Variants in RARB observed in about 807,000 individuals in gnomAD.
RARB encodes retinoic acid receptor beta, also known as HBV-activated protein.
Under a neutral mutation model 51.9 loss-of-function variants are expected in RARB, and 17 were observed. That is an observed-to-expected ratio of 0.33 (90% CI 0.22 to 0.49). The LOEUF is 0.49. Ranked by LOEUF, RARB falls within the 20% of genes least tolerant of loss-of-function variation. The probability of loss-of-function intolerance (pLI) is 0.99; values close to 1 mark genes in which losing one functional copy is unlikely to be tolerated. For synonymous variants in RARB, 215 were observed against 195.4 expected, an observed-to-expected ratio of 1.10 and a Z score of -0.84; for missense variants, 369 against 550.8, an observed-to-expected ratio of 0.67 and a Z score of 3.30.
chr3:25,501,479 A>G (rs1174805864), intron 3 of RARB, among the ~76,000 whole-genome samples, 156 bp downstream of exon 3: 1 of 152,116 alleles, frequency 6.6e-6, no homozygotes, highest in Non-Finnish European at 1.5e-5. Context: ...TGATATGGAG[A>G]TTTTGAGATG....
At chr3:25,108,258 A>G (rs1020581046) in intron 3 of RARB, among the ~76,000 whole-genome samples, 1 of 152,154 alleles carries the variant, frequency 6.6e-6, no homozygotes, top group East Asian at 1.9e-4. Flanking sequence ...AAACCATGGG[A>G]AAAAAATCAT....
chr3:25,477,464 C>T (rs1696009123), intron 2 of RARB, among the ~76,000 whole-genome samples: 1 of 152,190 alleles, frequency 6.6e-6, no homozygotes, highest in African/African-American at 2.4e-5. Context: ...TTTTGGGTTT[C>T]AAATATTGGT....
At chr3:24,916,194 A>G (rs1259566188) in intron 2 of RARB, among the ~76,000 whole-genome samples, 1 of 152,218 alleles carries the variant, frequency 6.6e-6, no homozygotes. Context: ...AGTGAAAGCT[A>G]GAGCCCTCTT....
At chr3:25,012,110 A>G (rs1697411851) in intron 2 of RARB, among the ~76,000 whole-genome samples, 1 of 152,208 alleles carries the variant, frequency 6.6e-6, no homozygotes, top group Admixed American at 6.6e-5. Context: ...TTCATTTCAG[A>G]CATGGACAGA....
intron 3 of RARB, among the ~76,000 whole-genome samples, chr3:25,562,987 T>G (rs1410186375): frequency 1.3e-5 from 2 of 152,246 alleles, no homozygotes; most frequent in African/African-American, 4.8e-5. Context: ...TTTCTATAAC[T>G]TCTTTGAATA....
At chr3:25,411,811 G>T (rs983969219) in intron 5 of RARB, among the ~76,000 whole-genome samples, 1 of 152,158 alleles carries the variant, frequency 6.6e-6, no homozygotes, top group Non-Finnish European at 1.5e-5. Context: ...CGTCCAGAGA[G>T]AAAGTCCCAG....
At chr3:25,584,587 G>T (rs74430702) in intron 5 of RARB, among the ~76,000 whole-genome samples, 82 of 152,282 alleles carry the variant, frequency 5.4e-4, no homozygotes, top group African/African-American at 1.9e-3. Context: ...AGGAAGCCCC[G>T]GCAGGTTGGA....
At chr3:25,073,676 G>C (rs539292814) in intron 3 of RARB, among the ~76,000 whole-genome samples, 70 of 152,264 alleles carry the variant, frequency 4.6e-4, no homozygotes, top group Middle Eastern at 3.4e-3. Context: ...AGTAAATAAT[G>C]TGCGTGTAAT....
intron 5 of RARB, among the ~76,000 whole-genome samples, chr3:25,366,826 T>C (rs1706134857): frequency 6.6e-6 from 1 of 152,206 alleles, no homozygotes; most frequent in African/African-American, 2.4e-5. Flanking sequence ...TCCTTGCATT[T>C]GGAATTGTTC....
intron 4 of RARB, among the ~76,000 whole-genome samples, chr3:25,163,902 G>A (rs759849716): frequency 2.0e-5 from 3 of 152,156 alleles, no homozygotes; most frequent in Non-Finnish European, 4.4e-5. Flanking sequence ...CCTGAGTATG[G>A]TAACTTTCCT....
At chr3:24,847,505 C>T (rs1396409504) in intron 1 of RARB, among the ~76,000 whole-genome samples, 2 of 152,200 alleles carry the variant, frequency 1.3e-5, no homozygotes, top group Non-Finnish European at 2.9e-5. Context: ...AAACCGTAAA[C>T]AGTGGGAAAT....
intron 5 of RARB, among the ~76,000 whole-genome samples, chr3:25,388,134 T>C (rs1383716702): frequency 1.3e-5 from 2 of 152,214 alleles, no homozygotes; most frequent in Non-Finnish European, 2.9e-5. Flanking sequence ...TAACTCAGAC[T>C]ATTTTCCAAA....
At chr3:24,858,328 G>A (rs550628670) in intron 1 of RARB, among the ~76,000 whole-genome samples, 72 of 152,164 alleles carry the variant, frequency 4.7e-4, no homozygotes, top group Middle Eastern at 6.8e-3. Flanking sequence ...CCATGCTAGT[G>A]GGATGGGCAC....
chr3:25,433,060 TTAAA>T (rs1231190133), intron 1 of RARB, among the ~76,000 whole-genome samples: 1 of 152,224 alleles, frequency 6.6e-6, no homozygotes, highest in African/African-American at 2.4e-5. Flanking sequence ...TAACTATCAA[TTAAA>T]TAGATTATTT....
At chr3:25,531,361 C>CAGATAGATAGGTAGAT (rs1255643375) in intron 3 of RARB, among the ~76,000 whole-genome samples, 3 of 142,884 alleles carry the variant, frequency 2.1e-5, no homozygotes, top group Non-Finnish European at 4.5e-5. Context: ...GATCGATATA[C>CAGATAGATAGGTAGAT]AGATAGATAG....
At chr3:25,167,457 G>T (rs1700578323) in intron 4 of RARB, among the ~76,000 whole-genome samples, 1 of 152,208 alleles carries the variant, frequency 6.6e-6, no homozygotes, top group Admixed American at 6.5e-5. Context: ...AAAGCAGATT[G>T]CTAGGTGTCT....
intron 1 of RARB, among the ~76,000 whole-genome samples, chr3:25,446,347 G>A (rs1281336671): frequency 6.6e-6 from 1 of 152,194 alleles, no homozygotes; most frequent in Non-Finnish European, 1.5e-5. Flanking sequence ...TGTAAATAAA[G>A]CTTTCTTGGA....
intron 1 of RARB, among the ~76,000 whole-genome samples, chr3:25,450,094 T>A (rs553688797): frequency 1.3e-5 from 2 of 152,246 alleles, no homozygotes; most frequent in East Asian, 3.9e-4. Flanking sequence ...TCAGATGTAC[T>A]AATAGATGAA....
chr3:25,313,387 T>G (rs375305951), intron 5 of RARB, among the ~76,000 whole-genome samples: 97 of 152,326 alleles, frequency 6.4e-4, no homozygotes, highest in Middle Eastern at 3.4e-3. Context: ...CATTCAAAAT[T>G]CATTATCAGT....
Sources: allele counts gnomAD v4.1 joint callset (sites outside exome capture counted in the v4.1 genomes callset), GRCh38; gene constraint gnomAD v4.1.1; transcripts MANE v1.5; gene names NCBI Gene and HGNC (gene_info 2026-07-23, HGNC 2026-07-21).